The following RAB27B variants were observed in gnomAD, a reference collection of about 807,000 sequenced individuals.
The protein encoded by RAB27B is ras-related protein Rab-27B.
In RAB27B, 15 loss-of-function variants were observed where a neutral mutation model predicts 24.6. The ratio of observed to expected loss-of-function variants is 0.61; its 90% CI spans 0.41 to 0.94. The LOEUF is 0.94. RAB27B is among the 40% of genes least tolerant of loss of function. RAB27B has a pLI of 0.00. For synonymous variants in RAB27B, 105 were observed against 92.5 expected (o/e 1.14, Z -0.78); for missense variants, 261 against 266.8 (o/e 0.98, Z 0.15).
rs1779288149 is a variant in RAB27B, at chr18:54,890,576, C to G, written c.*1163C>G. On this transcript the variant is annotated 3_prime_UTR_variant, in exon 6 of 6. Coordinates refer to ENST00000262094, the MANE Select transcript of RAB27B (RefSeq NM_004163.4). ...CAATTGCAGAAATGCAGGTGTGTTACTTTGTTGATCAATAACTTTGGAACA... is the reference window on the plus strand; with the variant it reads ...CAATTGCAGAAATGCAGGTGTGTTAGTTTGTTGATCAATAACTTTGGAACA... 6.6e-6 allele frequency: 1 copy of G among 152,192 alleles called. No individual in the cohort carries two copies. Among genetic ancestry groups the G allele is most frequent in the Admixed American group, 6.5e-5 (1 of 15,274 alleles). The allele number at this position is 152,192 out of a possible 1,614,324, so 9.4% of individuals were successfully genotyped here.
intron 2 of RAB27B, among the ~76,000 whole-genome samples, chr18:54,779,971 A>C (rs1908841595): frequency 7.3e-6 from 1 of 137,450 alleles, no homozygotes; most frequent in African/African-American, 2.9e-5. Flanking sequence ...CTTCCTCCTC[A>C]CCGTGTCTCC....
At chr18:54,836,317 C>T (rs1777815213) in intron 1 of RAB27B, among the ~76,000 whole-genome samples, 1 of 151,832 alleles carries the variant, frequency 6.6e-6, no homozygotes, top group Non-Finnish European at 1.5e-5. Flanking sequence ...GTTCTGATTC[C>T]TTACAGTTTT....
At chr18:54,792,592 C>T (rs750945817) in intron 2 of RAB27B, among the ~76,000 whole-genome samples, 13 of 152,042 alleles carry the variant, frequency 8.6e-5, no homozygotes, top group Non-Finnish European at 1.6e-4. Context: ...ATTGAATAGA[C>T]CCTGGTTTTC....
At position 54,777,540 on chromosome 18, in the gene RAB27B, G is replaced by T. The variant is rs376613818; in HGVS notation, c.-20+59399G>T. 1.4e-3 allele frequency among the ~76,000 whole-genome samples: 216 copies of T among 152,342 alleles called. 4 individuals are homozygous for T. In the South Asian group the frequency reaches 0.028, roughly 20 times the overall value. ...CTGGAAGGGTTTGAGAGAGATGTGTGGAGCAGCATGGAAATGATTTACCTT... is the reference window on the plus strand; with the variant it reads ...CTGGAAGGGTTTGAGAGAGATGTGTTGAGCAGCATGGAAATGATTTACCTT... On this transcript the variant is annotated intron_variant, in intron 2 of 4. Transcript: ENST00000586570.
intron 2 of RAB27B, among the ~76,000 whole-genome samples, chr18:54,788,665 C>T (rs1338470039): frequency 1.3e-5 from 2 of 152,124 alleles, no homozygotes; most frequent in African/African-American, 2.4e-5. Context: ...CTAATTTTAC[C>T]TTTGGTTCTC....
chr18:54,755,999 C>A (rs1907993356), intron 2 of RAB27B, among the ~76,000 whole-genome samples: 1 of 152,164 alleles, frequency 6.6e-6, no homozygotes, highest in African/African-American at 2.4e-5. Context: ...TTTTGATTGG[C>A]TGTTTCAGTA....
At chr18:54,769,114 C>T (rs1479959269) in intron 2 of RAB27B, among the ~76,000 whole-genome samples, 1 of 152,156 alleles carries the variant, frequency 6.6e-6, no homozygotes, top group African/African-American at 2.4e-5. Context: ...CAAGGCAAGT[C>T]TCTTCTGTTT....
At chr18:54,810,964 T>C (rs1909944970) in intron 2 of RAB27B, among the ~76,000 whole-genome samples, 1 of 152,134 alleles carries the variant, frequency 6.6e-6, no homozygotes, top group African/African-American at 2.4e-5. Context: ...ATTCTGTTGT[T>C]AAATTATCTT....
chr18:54,810,981 G>A (rs529118467), intron 2 of RAB27B, among the ~76,000 whole-genome samples: 37 of 151,930 alleles, frequency 2.4e-4, no homozygotes, highest in African/African-American at 8.0e-4. Flanking sequence ...TCTTTGTATC[G>A]TCAGCATCTA....
intron 2 of RAB27B, among the ~76,000 whole-genome samples, chr18:54,816,417 C>G (rs1910123575): frequency 6.6e-6 from 1 of 152,168 alleles, no homozygotes; most frequent in Non-Finnish European, 1.5e-5. Context: ...ATTTTTAAAT[C>G]AGTAAGTATA....
At chr18:54,763,038 T>C (rs748745237) in intron 2 of RAB27B, among the ~76,000 whole-genome samples, 3 of 152,220 alleles carry the variant, frequency 2.0e-5, no homozygotes. Context: ...ATTTATTGAG[T>C]CTCTAAGCTC....
intron 2 of RAB27B, among the ~76,000 whole-genome samples, chr18:54,797,050 C>T (rs1180759291): frequency 1.3e-5 from 2 of 152,210 alleles, no homozygotes; most frequent in Non-Finnish European, 2.9e-5. Flanking sequence ...TCTAATGTGA[C>T]TAATGCCTCT....
At chr18:54,804,898 C>CTT (rs1387173287) in intron 2 of RAB27B, among the ~76,000 whole-genome samples, 10,017 of 31,458 alleles carry the variant, frequency 0.32, 972 homozygotes, top group African/African-American at 0.44. Flanking sequence ...CTTTCTCTTT[C>CTT]TCTCTCTCTT....
intron 2 of RAB27B, among the ~76,000 whole-genome samples, chr18:54,765,257 G>C (rs1472655832): frequency 6.6e-6 from 1 of 152,076 alleles, no homozygotes; most frequent in African/African-American, 2.4e-5. Flanking sequence ...CTCCCAAAAT[G>C]CTAGGATTGC....
intron 2 of RAB27B, among the ~76,000 whole-genome samples, chr18:54,726,847 T>C (rs1909553619): frequency 6.9e-6 from 1 of 143,974 alleles, no homozygotes; most frequent in Non-Finnish European, 1.6e-5. Flanking sequence ...TCGTAAACAA[T>C]CTCTAGACTG....
chr18:54,839,296 G>A (rs2145197488), intron 1 of RAB27B, among the ~76,000 whole-genome samples: 1 of 152,280 alleles, frequency 6.6e-6, no homozygotes, highest in Non-Finnish European at 1.5e-5. Flanking sequence ...ACTTTAATGG[G>A]AACAGTTTTG....
At chr18:54,811,358 T>C (rs1156280676) in intron 2 of RAB27B, among the ~76,000 whole-genome samples, 1 of 152,178 alleles carries the variant, frequency 6.6e-6, no homozygotes, top group Admixed American at 6.5e-5. Flanking sequence ...ATGTGAGATA[T>C]TAATCATTAT....
intron 2 of RAB27B, among the ~76,000 whole-genome samples, chr18:54,823,093 A>G (rs1910362328): frequency 1.3e-5 from 2 of 152,268 alleles, no homozygotes; most frequent in Non-Finnish European, 2.9e-5. Flanking sequence ...ATGAGCAGAT[A>G]TCTAAAATAG....
At chr18:54,730,926 C>T (rs1909711493) in intron 2 of RAB27B, among the ~76,000 whole-genome samples, 1 of 152,138 alleles carries the variant, frequency 6.6e-6, no homozygotes, top group East Asian at 1.9e-4. Flanking sequence ...GTTTTTCTCT[C>T]TGTGAAAGCT....
Sources: gnomAD v4.1 joint callset for allele counts (sites outside exome capture counted in the v4.1 genomes callset) on GRCh38, gnomAD v4.1.1 for gene constraint, MANE v1.5 for transcripts, NCBI Gene and HGNC (gene_info 2026-07-23, HGNC 2026-07-21) for gene names.